PRDM5: variants seen among roughly 807,000 people sequenced by gnomAD.
The protein encoded by PRDM5 is PR domain zinc finger protein 5.
PRDM5 carries 56 observed loss-of-function variants against 81.2 expected under a neutral mutation model. The observed-to-expected ratio is 0.69, with a 90% CI of 0.56 to 0.86. The LOEUF is 0.86. Ranked by LOEUF, PRDM5 falls within the 40% of genes least tolerant of loss-of-function variation. PRDM5 has a pLI of 0.00. For missense variants in PRDM5, 697 were observed against 770.1 expected, an observed-to-expected ratio of 0.91 and a Z score of 1.12; for synonymous variants, 267 against 256.4, an observed-to-expected ratio of 1.04 and a Z score of -0.39.
At chr4:120,729,500 C>T (rs115384873) in intron 14 of PRDM5, among the ~76,000 whole-genome samples, 10,636 of 152,116 alleles carry the variant, frequency 0.07, 469 homozygotes, top group South Asian at 0.16. Flanking sequence ...TATAAACTTG[C>T]CATGTGACCT....
At chr4:120,863,191 T>TATACACACACACACACAC (rs1553997193) in intron 2 of PRDM5, among the ~76,000 whole-genome samples, 29 of 70,312 alleles carry the variant, frequency 4.1e-4, no homozygotes, top group Non-Finnish European at 7.5e-4. Flanking sequence ...TATATATATA[T>TATACACACACACACACAC]ACACACACAC....
intron 3 of PRDM5, among the ~76,000 whole-genome samples, chr4:120,843,226 C>T (rs901256486): frequency 1.7e-4 from 26 of 152,096 alleles, no homozygotes; most frequent in Admixed American, 1.4e-3. Context: ...CCCAGCTACT[C>T]GGGAGGCTGA....
At chr4:120,795,095 C>A (rs1751163087) in intron 10 of PRDM5, among the ~76,000 whole-genome samples, 1 of 152,136 alleles carries the variant, frequency 6.6e-6, no homozygotes, top group Non-Finnish European at 1.5e-5. Context: ...AAAGTTTCAT[C>A]CCTGGAAGGC....
intron 14 of PRDM5, among the ~76,000 whole-genome samples, chr4:120,737,556 G>A (rs1002937507): frequency 3.9e-5 from 6 of 152,172 alleles, no homozygotes; most frequent in African/African-American, 9.7e-5. Context: ...CTTAGTGTCC[G>A]TCTTTCCTGA....
intron 14 of PRDM5, among the ~76,000 whole-genome samples, chr4:120,726,291 G>A (rs944487980): frequency 6.6e-6 from 1 of 152,164 alleles, no homozygotes; most frequent in African/African-American, 2.4e-5. Context: ...GTAAAACAAG[G>A]CTGAATTGAG....
intron 2 of PRDM5, among the ~76,000 whole-genome samples, chr4:120,864,853 C>T (rs2148513797): frequency 6.6e-6 from 1 of 152,322 alleles, no homozygotes; most frequent in Admixed American, 6.5e-5. Context: ...AGAGCCCGTA[C>T]ATCCATGTTG....
intron 14 of PRDM5, among the ~76,000 whole-genome samples, chr4:120,753,747 T>C (rs1332943064): frequency 1.3e-5 from 2 of 152,030 alleles, no homozygotes; most frequent in Non-Finnish European, 2.9e-5. Context: ...ATACGCACTT[T>C]AAAAGGCCAA....
intron 14 of PRDM5, among the ~76,000 whole-genome samples, chr4:120,737,797 G>A (rs1274739002): frequency 6.6e-6 from 1 of 152,224 alleles, no homozygotes; most frequent in Non-Finnish European, 1.5e-5. Flanking sequence ...TTAGCACAGT[G>A]TAGTCATTTA....
At chr4:120,728,541 C>T (rs539240367) in intron 14 of PRDM5, among the ~76,000 whole-genome samples, 2 of 152,138 alleles carry the variant, frequency 1.3e-5, no homozygotes, top group East Asian at 1.9e-4. Context: ...TAAAAAGACT[C>T]GTCAATTTTT....
chr4:120,908,119 G>A lies in PRDM5; in HGVS notation c.94-562C>T, dbSNP rs185265480. Among the ~76,000 whole-genome samples the A allele has an allele frequency of 2.3e-3, 354 of 152,340 alleles. 1 individual carries two copies. The highest frequency in any genetic ancestry group is 7.1e-3 in the Admixed American group (108 of 15,302). ...TGTGCTTTGAAGCCCACATGCATGA[G>A]AAACACCCGTGTTACTAGTTTGAGA... On this transcript the variant is annotated intron_variant, in intron 1 of 15. Transcript: ENST00000264808.
intron 1 of PRDM5, among the ~76,000 whole-genome samples, chr4:120,913,813 T>C (rs1430731152): frequency 6.6e-6 from 1 of 152,096 alleles, no homozygotes; most frequent in African/African-American, 2.4e-5. Flanking sequence ...CAAAAAGAAT[T>C]TGAAAGTCAG....
intron 1 of PRDM5, among the ~76,000 whole-genome samples, chr4:120,910,014 C>A (rs922381288): frequency 2.0e-5 from 3 of 151,874 alleles, no homozygotes; most frequent in Non-Finnish European, 2.9e-5. Flanking sequence ...AAAAAAAACC[C>A]TGTGATACTG....
intron 14 of PRDM5, among the ~76,000 whole-genome samples, chr4:120,741,054 C>CTA (rs1401833928): frequency 6.6e-6 from 1 of 152,132 alleles, no homozygotes. Flanking sequence ...TCCTCTATCT[C>CTA]TAGTCCTGGA....
chr4:120,689,110 T>C (rs1003404075), downstream of PRDM5, among the ~76,000 whole-genome samples: 2 of 152,218 alleles, frequency 1.3e-5, no homozygotes, highest in Non-Finnish European at 2.9e-5. Flanking sequence ...AACTGTGGAA[T>C]AGTTTTTATC....
chr4:120,868,633 C>T (rs568141738), intron 2 of PRDM5, among the ~76,000 whole-genome samples: 1 of 152,168 alleles, frequency 6.6e-6, no homozygotes, highest in East Asian at 1.9e-4. Flanking sequence ...AAGTGCAATG[C>T]CACAGAATTA....
intron 2 of PRDM5, among the ~76,000 whole-genome samples, chr4:120,888,420 AT>A (rs769069997): frequency 9.2e-5 from 14 of 152,216 alleles, no homozygotes; most frequent in Non-Finnish European, 1.9e-4. Context: ...TGTTACTGAG[AT>A]TCACCCATGT....
chr4:120,735,128 T>C (rs1305959874), intron 14 of PRDM5, among the ~76,000 whole-genome samples: 3 of 152,184 alleles, frequency 2.0e-5, no homozygotes, highest in Admixed American at 2.0e-4. Flanking sequence ...TTTGAAGTCA[T>C]TGTTAAGTGA....
chr4:120,870,923 TC>T (rs1174062594), intron 2 of PRDM5, among the ~76,000 whole-genome samples: 3 of 152,202 alleles, frequency 2.0e-5, no homozygotes, highest in Admixed American at 1.3e-4. Context: ...AGGTTTTGCC[TC>T]TGGAACTATG....
Position 120,864,170 on chromosome 4 carries a change from C to T in PRDM5, c.178-10630G>A, listed in dbSNP as rs60838746. Among the ~76,000 whole-genome samples the T allele has an allele frequency of 4.3e-3, 662 of 152,264 alleles. 6 individuals carry two copies. The highest frequency in any genetic ancestry group is 0.015 in the African/African-American group (637 of 41,544). ...AGATGATGGGTGACCAACAACCCTA[C>T]TGTGCATGATGAATTGTGTATGGAG... On this transcript the variant is annotated intron_variant, in intron 2 of 15. Coordinates refer to ENST00000264808, the MANE Select transcript of PRDM5 (RefSeq NM_018699.4).
Sources: gnomAD v4.1 joint callset for allele counts (sites outside exome capture counted in the v4.1 genomes callset) on GRCh38, gnomAD v4.1.1 for gene constraint, MANE v1.5 for transcripts, NCBI Gene and HGNC (gene_info 2026-07-23, HGNC 2026-07-21) for gene names.